Variants in MDGA1 observed in about 807,000 individuals in gnomAD.
MDGA1 encodes the protein MAM domain containing glycosylphosphatidylinositol anchor 1, also known as MAM domain-containing glycosylphosphatidylinositol anchor protein 1.
In MDGA1, 54 loss-of-function variants were observed where a neutral mutation model predicts 101.5. That is an observed-to-expected ratio of 0.53 (90% confidence interval 0.43 to 0.67). The LOEUF is 0.67. Among genes scored for constraint, MDGA1 ranks in the 30% least tolerant of loss-of-function variants. The pLI is 0.00. For missense variants in MDGA1, 1,083 were observed against 1,323.8 expected, an observed-to-expected ratio of 0.82 and a Z score of 2.82; for synonymous variants, 533 against 558.3, an observed-to-expected ratio of 0.95 and a Z score of 0.64.
At chr6:37,666,007 C>T (rs1040149324) in intron 1 of MDGA1, among the ~76,000 whole-genome samples, 3 of 152,090 alleles carry the variant, frequency 2.0e-5, no homozygotes, top group East Asian at 3.8e-4. Context: ...GCTACACTTC[C>T]CAGCCTATTA....
chr6:37,662,244 C>T (rs16890055), intron 2 of MDGA1, among the ~76,000 whole-genome samples: 15,904 of 150,820 alleles, frequency 0.11, 1,032 homozygotes, highest in East Asian at 0.19. Context: ...ACGGTCCAAG[C>T]GACAGGACTG....
At chr6:37,686,218 C>T (rs747272298) in intron 1 of MDGA1, among the ~76,000 whole-genome samples, 9 of 152,136 alleles carry the variant, frequency 5.9e-5, no homozygotes, top group Non-Finnish European at 1.2e-4. Flanking sequence ...GACAGGCCTG[C>T]CTTTTAAAGG....
In MDGA1 at chr6:37,644,666, G is replaced by A. The variant is rs371209948; in HGVS notation, c.2249-17C>T. On this transcript the variant is annotated splice_polypyrimidine_tract_variant and intron_variant, in intron 12 of 16. Coordinates refer to ENST00000434837, the MANE Select transcript of MDGA1 (RefSeq NM_153487.4). ...AGGTGTTGTCTGCATTTTATGGGGC[G>A]AATGAGACAAAGAGTCAGCCTCTTC... 59 of 1,547,708 alleles carry A rather than the reference G, an allele frequency of 3.8e-5. No individual in the cohort carries two copies. The highest frequency in any genetic ancestry group is 2.1e-4 in the Admixed American group (11 of 53,216).
chr6:37,664,999 C>T (rs1230104808), intron 1 of MDGA1, among the ~76,000 whole-genome samples: 2 of 151,328 alleles, frequency 1.3e-5, no homozygotes, highest in East Asian at 2.0e-4. Context: ...GAAATGCTCA[C>T]AGAAGTTGGG....
rs1452672489 is a variant in MDGA1, at chr6:37,658,328, C to T, written c.299G>A (p.Arg100His). The change falls in exon 3 of 17, where the codon CGC becomes CAC. Residue 100 changes from arginine (R) to histidine (H), a missense_variant. By Grantham distance (29) the Arg-to-His change is conservative. Coordinates refer to ENST00000434837, the MANE Select transcript of MDGA1 (RefSeq NM_153487.4). ...GCAGTAGTAGCGGCCGCCCTGCGTG[C>T]GTGCAATACGCTCGATGCGCAGCGT... is the stretch of plus-strand genomic sequence containing the variant. The part of the protein sequence containing the change: ...NETLRIERIA[R>H]TQGGRYYCKA... 1.9e-6 allele frequency: 3 copies of T among 1,612,886 alleles called. No individual in the cohort carries two copies. The highest frequency in any genetic ancestry group is 2.2e-5 in the East Asian group (1 of 44,876).
At chr6:37,645,082 T>C (rs6939363) in intron 12 of MDGA1, among the ~76,000 whole-genome samples, 81,955 of 152,078 alleles carry the variant, frequency 0.54, 23,002 homozygotes, top group South Asian at 0.7. Context: ...TGGATATAAA[T>C]GATATTTAGA....
rs772603394 is a variant in MDGA1, at chr6:37,637,423, G to T, written c.2813C>A (p.Ser938Tyr). 6.2e-7 allele frequency: 1 copy of T among 1,613,554 alleles called. No individual in the cohort carries two copies. The highest frequency in any genetic ancestry group is 8.5e-7 in the Non-Finnish European group (1 of 1,179,752). The stretch of plus-strand genomic sequence containing the variant: ...CATGGGCCCCCACAGCTGTGGGCTG[G>T]ACTGGCAGGGGGCTCCACTGCCCGG... ...VMPGSGAPCQ[S>Y]SPQLWGPMAI... is the part of the protein sequence containing the mutation. Residue 938 changes from serine (S) to tyrosine (Y), a missense_variant, in exon 17 of 17, where the codon TCC (serine) becomes TAC (tyrosine). By Grantham distance (144) the Ser-to-Tyr change is moderately radical. This residue lies in a region of MDGA1 where 657 missense variants were observed against 771.4 expected (regional missense o/e 0.85). Transcript: ENST00000434837.
intron 1 of MDGA1, among the ~76,000 whole-genome samples, chr6:37,676,578 G>A (rs1189026264): frequency 6.6e-6 from 1 of 152,194 alleles, no homozygotes; most frequent in Non-Finnish European, 1.5e-5. Flanking sequence ...TGGCAGGGGA[G>A]TCCTTTCCAC....
At chr6:37,668,129 C>A (rs868343683) in intron 1 of MDGA1, among the ~76,000 whole-genome samples, 1 of 151,990 alleles carries the variant, frequency 6.6e-6, no homozygotes, top group East Asian at 1.9e-4. Flanking sequence ...TGTGTGCCTG[C>A]AGTCCCAGCT....
chr6:37,662,732 G>C (rs1417074774), intron 2 of MDGA1, among the ~76,000 whole-genome samples: 1 of 152,164 alleles, frequency 6.6e-6, no homozygotes, highest in Non-Finnish European at 1.5e-5. Context: ...CGCCTGGGTG[G>C]TAGAACGAAT....
In MDGA1 at chr6:37,655,048, C is replaced by T; in HGVS notation, c.580-116G>A. 2 of 1,282,600 alleles carry T rather than the reference C, an allele frequency of 1.6e-6. No homozygotes were observed. Among genetic ancestry groups the T allele is most frequent in the Middle Eastern group, 2.7e-4 (1 of 3,690 alleles). The allele number at this position is 1,282,600 out of a possible 1,614,324, so 79.5% of individuals were successfully genotyped here. A position where few individuals can be genotyped will look rare whatever the true frequency, so the allele number is the denominator to read the frequency against. On this transcript the variant is annotated intron_variant, in intron 4 of 16. Transcript: ENST00000434837. The surrounding 1 kb of genome is among the most constrained non-coding windows in gnomAD (Gnocchi z 5.1). ...AATGCCTGTCTAATTCCTCTCTTTC[C>T]ATCCCCAACCCCACCCTCACCATTT...
intron 1 of MDGA1, among the ~76,000 whole-genome samples, chr6:37,683,600 C>T (rs1382700086): frequency 6.6e-6 from 1 of 152,226 alleles, no homozygotes; most frequent in Non-Finnish European, 1.5e-5. Context: ...CGGGAATTAA[C>T]ACCCCCAGGA....
At chr6:37,657,403 G>C (rs533663987) in intron 3 of MDGA1, among the ~76,000 whole-genome samples, 2 of 152,302 alleles carry the variant, frequency 1.3e-5, no homozygotes, top group East Asian at 3.9e-4. Flanking sequence ...CACCACCATG[G>C]CCATGAGAGG....
intron 1 of MDGA1, among the ~76,000 whole-genome samples, chr6:37,669,005 G>A (rs963389512): frequency 2.6e-5 from 4 of 152,138 alleles, no homozygotes; most frequent in Non-Finnish European, 4.4e-5. Flanking sequence ...CTGCCACCAC[G>A]CCCAGGTAAT....
rs1435756228 is a variant in MDGA1 at position 37,647,200 on chromosome 6, C to T, written c.2019G>A (p.Val673=). The change falls in exon 10 of 17, where the codon GTG becomes GTA. Residue 673 remains valine, a synonymous_variant. Coordinates refer to ENST00000434837, the MANE Select transcript of MDGA1 (RefSeq NM_153487.4). ...GGCGGATGCTGAGTCTGTAGTTGAG[C>T]ACAGGGTCGACAGCGTCGGGCTCCC... ...TQREPDAVDP[V]LNYRLSIRQL... The T allele has an allele frequency of 6.3e-7, 1 of 1,598,398 alleles. No homozygotes were observed. Among genetic ancestry groups the T allele is most frequent in the Admixed American group, 1.7e-5 (1 of 57,568 alleles).
At chr6:37,658,533 C>T in intron 2 of MDGA1, 114 bp from the exon 3 acceptor site, 2 of 1,120,614 alleles carry the variant, frequency 1.8e-6, no homozygotes, top group Non-Finnish European at 1.3e-6. Flanking sequence ...CACAAGCGCA[C>T]GTGGGGCACA....
chr6:37,643,659 T>G, intron 14 of MDGA1, 150 bp downstream of exon 14: 1 of 1,088,610 alleles, frequency 9.2e-7, no homozygotes, highest in Admixed American at 2.7e-5. Context: ...TCTTGCCAAT[T>G]CTCTGTGCAG....
intron 14 of MDGA1, chr6:37,643,275 T>TC (rs779827186): frequency 1.4e-3 from 209 of 151,418 alleles, no homozygotes; most frequent in South Asian, 2.9e-3. Context: ...CTTTTCTTTT[T>TC]CCTTTTTTTT....
rs564227697 is a variant in MDGA1 at position 37,687,459 on chromosome 6, C to T, written c.67+9286G>A. The stretch of plus-strand genomic sequence containing the variant: ...TGGTGTATGCCTGTAGTCCCAGCTA[C>T]TCACGAGGCTGAGGTGGGAGGATTG... On this transcript the variant is annotated intron_variant, in intron 1 of 16. Coordinates refer to ENST00000434837, the MANE Select transcript of MDGA1 (RefSeq NM_153487.4). Among the ~76,000 whole-genome samples the T allele has an allele frequency of 1.7e-4, 26 of 151,158 alleles. 1 individual carries two copies. The South Asian group carries it at 4.6e-3, about 27-fold the overall frequency.
Sources: gnomAD v4.1 joint callset for allele counts (sites outside exome capture counted in the v4.1 genomes callset) on GRCh38, gnomAD v4.1.1 for gene constraint, gnomAD v4.1.1 regional missense constraint, Gnocchi (gnomAD v3.1) non-coding constraint, MANE v1.5 for transcripts, NCBI Gene and HGNC (gene_info 2026-07-23, HGNC 2026-07-21) for gene names.